Variants in PPP3CB observed in about 807,000 individuals in gnomAD.
The protein encoded by PPP3CB is serine/threonine-protein phosphatase 2B catalytic subunit beta isoform.
In PPP3CB, 8 loss-of-function variants were observed where a neutral mutation model predicts 66.4. The ratio of observed to expected loss-of-function variants is 0.12; its 90% CI spans 0.07 to 0.22. The LOEUF (loss-of-function observed/expected upper bound fraction) is 0.22, where lower values mean the gene tolerates loss of function less well. PPP3CB is among the 10% of genes least tolerant of loss of function. PPP3CB has a pLI of 1.00. For synonymous variants in PPP3CB, 208 were observed against 221.2 expected (o/e 0.94, Z 0.53); for missense variants, 319 against 642.5 (o/e 0.50, Z 5.44).
At chr10:73,451,363 T>C (rs1179279971) in intron 10 of PPP3CB, among the ~76,000 whole-genome samples, 1 of 152,036 alleles carries the variant, frequency 6.6e-6, no homozygotes, top group Non-Finnish European at 1.5e-5. Context: ...AAATATATAG[T>C]ATATTCTTTT....
intron 9 of PPP3CB, among the ~76,000 whole-genome samples, chr10:73,455,083 C>T (rs1021038744): frequency 6.6e-6 from 1 of 151,800 alleles, no homozygotes; most frequent in Non-Finnish European, 1.5e-5. Flanking sequence ...TGGGGTTTCA[C>T]CATGTTGGTC....
At chr10:73,475,516 C>G (rs1244233495) in intron 3 of PPP3CB, among the ~76,000 whole-genome samples, 2 of 152,128 alleles carry the variant, frequency 1.3e-5, no homozygotes, top group Non-Finnish European at 2.9e-5. Flanking sequence ...TCTCAAGTAA[C>G]TTGTCCAAAA....
rs1285746446 is a variant in PPP3CB, at chr10:73,438,237, G to C, written c.*5C>G. ...GAGATGTGAGAGTCCCTGGGAAGTA[G>C]TGGGTCACTGGGCAGTATGGTTGCC... On this transcript the variant is annotated 3_prime_UTR_variant, in exon 14 of 14. Coordinates refer to ENST00000360663, the MANE Select transcript of PPP3CB (RefSeq NM_021132.4). The C allele has an allele frequency of 5.6e-6, 9 of 1,610,250 alleles. No homozygotes were observed. The highest frequency in any genetic ancestry group is 2.2e-5 in the East Asian group (1 of 44,732).
intron 3 of PPP3CB, among the ~76,000 whole-genome samples, chr10:73,476,558 A>T (rs2056791905): frequency 6.6e-6 from 1 of 151,578 alleles, no homozygotes; most frequent in Non-Finnish European, 1.5e-5. Flanking sequence ...CAGAGGTTGC[A>T]GTGAGCCGAG....
intron 10 of PPP3CB, among the ~76,000 whole-genome samples, chr10:73,454,053 G>A (rs1473550790): frequency 3.3e-5 from 5 of 152,118 alleles, no homozygotes; most frequent in African/African-American, 9.7e-5. Context: ...TGCTTCTGAT[G>A]CACTAAGAAT....
intron 1 of PPP3CB, among the ~76,000 whole-genome samples, chr10:73,482,127 A>T (rs569366900): frequency 1.3e-5 from 2 of 152,324 alleles, no homozygotes; most frequent in East Asian, 1.9e-4. Flanking sequence ...AAAAATGAGA[A>T]GGTTAAATAT....
At chr10:73,461,808 A>G (rs2056525803) in intron 9 of PPP3CB, among the ~76,000 whole-genome samples, 1 of 152,184 alleles carries the variant, frequency 6.6e-6, no homozygotes, top group Non-Finnish European at 1.5e-5. Flanking sequence ...GTTGTCACCT[A>G]TAAATCTCAT....
intron 12 of PPP3CB, among the ~76,000 whole-genome samples, chr10:73,441,110 T>C (rs910546110): frequency 1.3e-5 from 2 of 152,220 alleles, no homozygotes; most frequent in African/African-American, 4.8e-5. Context: ...AGTGATCTTT[T>C]AGCAATTAAC....
At chr10:73,445,101 A>C (rs986791000) in intron 11 of PPP3CB, among the ~76,000 whole-genome samples, 4 of 152,334 alleles carry the variant, frequency 2.6e-5, no homozygotes, top group Non-Finnish European at 5.9e-5. Context: ...AAAATATGGT[A>C]TTTCATATGC....
At chr10:73,491,030 T>TTG in intron 1 of PPP3CB, among the ~76,000 whole-genome samples, 1 of 116,714 alleles carries the variant, frequency 8.6e-6, no homozygotes, top group African/African-American at 4.1e-5. Context: ...TTGTTTTTTT[T>TTG]TTTTTTTTTT....
intron 5 of PPP3CB, 71 bp downstream of exon 5, chr10:73,471,397 T>C (rs1362652523): frequency 1.5e-5 from 22 of 1,479,036 alleles, no homozygotes; most frequent in Non-Finnish European, 2.0e-5. Flanking sequence ...GAAGTGAAGT[T>C]TGAAACTTCT....
Position 73,495,825 on chromosome 10 carries a change from C to T in PPP3CB, c.65G>A (p.Gly22Glu). The change falls in exon 1 of 14, where the codon GGG becomes GAG. Residue 22 changes from glycine (G) to glutamate (E), a missense_variant. Gly to Glu is a moderately conservative substitution (Grantham distance 98, BLOSUM62 -2). Around this residue, in one of 5 missense-constraint regions of PPP3CB, gnomAD observed 104 missense variants for 128.4 expected, o/e 0.81. Coordinates refer to ENST00000360663, the MANE Select transcript of PPP3CB (RefSeq NM_021132.4). ...CTCACCTTTGACGACGCGGTCAGCC[C>T]CGGGAGGGGGCGGCGGGGGCGGGGG... The part of the protein sequence containing the change: ...PPPPPPPPPP[G>E]ADRVVKAVPF... The T allele has an allele frequency of 6.5e-7, 1 of 1,534,966 alleles. No individual in the cohort carries two copies. The highest frequency in any genetic ancestry group is 8.8e-7 in the Non-Finnish European group (1 of 1,140,198).
intron 1 of PPP3CB, among the ~76,000 whole-genome samples, chr10:73,483,756 C>T (rs1170360567): frequency 6.6e-6 from 1 of 152,184 alleles, no homozygotes; most frequent in African/African-American, 2.4e-5. Context: ...GGAGCTTCAG[C>T]AGGAGACCTG....
intron 1 of PPP3CB, among the ~76,000 whole-genome samples, chr10:73,485,273 A>C (rs2056953217): frequency 6.6e-6 from 1 of 152,186 alleles, no homozygotes; most frequent in Admixed American, 6.5e-5. Flanking sequence ...GGACTGAAAA[A>C]CATTTTAATT....
intron 1 of PPP3CB, among the ~76,000 whole-genome samples, chr10:73,482,202 ATTTTT>A (rs200623450): frequency 6.9e-6 from 1 of 145,690 alleles, no homozygotes; most frequent in Non-Finnish European, 1.5e-5. Flanking sequence ...AGGTCAGAGA[ATTTTT>A]TTTTTTTTTA....
intron 2 of PPP3CB, 27 bp from the exon 3 acceptor site, chr10:73,478,650 G>T: frequency 6.3e-7 from 1 of 1,589,038 alleles, no homozygotes. Context: ...ATTAGATAAG[G>T]GAAAAAAATC....
chr10:73,454,812 T>C (rs1431095500), intron 9 of PPP3CB, among the ~76,000 whole-genome samples: 5 of 150,634 alleles, frequency 3.3e-5, no homozygotes, highest in African/African-American at 7.3e-5. Flanking sequence ...TTCATGGATA[T>C]AGCATAATAA....
chr10:73,440,015 C>T (rs1272850055), intron 12 of PPP3CB, 114 bp from the exon 13 acceptor site: 2 of 1,096,588 alleles, frequency 1.8e-6, no homozygotes, highest in East Asian at 4.9e-5. Flanking sequence ...CATACTACAT[C>T]ATCATTTAAA....
chr10:73,451,136 G>A (rs1485427139), intron 10 of PPP3CB, among the ~76,000 whole-genome samples: 4 of 151,792 alleles, frequency 2.6e-5, no homozygotes, highest in African/African-American at 4.8e-5. Context: ...ATAAGAAGAG[G>A]ACTAAAGCAT....
Sources: allele counts gnomAD v4.1 joint callset (sites outside exome capture counted in the v4.1 genomes callset), GRCh38; gene constraint gnomAD v4.1.1; regional missense constraint gnomAD v4.1.1; transcripts MANE v1.5; gene names NCBI Gene and HGNC (gene_info 2026-07-23, HGNC 2026-07-21).